The following BCO2 variants were observed in gnomAD, a reference collection of about 807,000 sequenced individuals.
BCO2 encodes beta-carotene oxygenase 2.
A neutral mutation model predicts 65.8 loss-of-function variants in BCO2; 56 were observed. The ratio of observed to expected loss-of-function variants is 0.85; its 90% CI spans 0.69 to 1.06. BCO2 has a LOEUF of 1.06. Among genes scored for constraint, BCO2 ranks in the 50% least tolerant of loss-of-function variants. The probability of loss-of-function intolerance (pLI) is 0.00; values close to 1 mark genes in which losing one functional copy is unlikely to be tolerated. For missense variants in BCO2, 675 were observed against 698.5 expected (o/e 0.97, Z 0.38); for synonymous variants, 233 against 242.3 (o/e 0.96, Z 0.36).
intron 8 of BCO2, among the ~76,000 whole-genome samples, 181 bp downstream of exon 8, chr11:112,202,371 C>T (rs1867759710): frequency 6.6e-6 from 1 of 152,136 alleles, no homozygotes; most frequent in African/African-American, 2.4e-5. Flanking sequence ...CAACCTCTAC[C>T]TCCCAGGTTC....
chr11:112,217,643 G>A (rs1308632414), intron 11 of BCO2, 118 bp from the exon 12 acceptor site: 3 of 668,766 alleles, frequency 4.5e-6, no homozygotes, highest in Non-Finnish European at 7.7e-6. Context: ...TTACAGGTGT[G>A]AGCCACTGTG....
intron 2 of BCO2, among the ~76,000 whole-genome samples, chr11:112,191,487 A>G (rs1021645339): frequency 3.3e-5 from 5 of 152,158 alleles, no homozygotes; most frequent in Non-Finnish European, 7.4e-5. Flanking sequence ...AACAAATGTA[A>G]AGACCATCCC....
At chr11:112,183,522 C>G (rs1867116040) in intron 2 of BCO2, among the ~76,000 whole-genome samples, 1 of 152,048 alleles carries the variant, frequency 6.6e-6, no homozygotes, top group South Asian at 2.1e-4. Flanking sequence ...GTGGAAATAC[C>G]ATCTTGGTTT....
intron 8 of BCO2, among the ~76,000 whole-genome samples, chr11:112,209,932 A>G (rs929111228): frequency 9.9e-5 from 15 of 152,038 alleles, no homozygotes; most frequent in Non-Finnish European, 1.3e-4. Flanking sequence ...CTTTTCTATA[A>G]TGTTCTTACT....
At position 112,183,313 on chromosome 11, in the gene BCO2, TA is replaced by T. The variant is rs537710636; in HGVS notation, c.293+3832del. The stretch of plus-strand genomic sequence containing the variant: ...TATAAGGAAATTTTAAAAAAACATT[TA>T]GAGGATTATGCTTGTTCTCAGCGGT... On this transcript the variant is annotated intron_variant, in intron 2 of 11. Transcript: ENST00000357685. The T allele has an allele frequency of 8.4e-5, 52 of 621,688 alleles. 1 individual carries two copies. In the South Asian group the frequency reaches 1.0e-3, roughly 12 times the overall value. The allele number at this position is 621,688 out of a possible 1,614,324, so 38.5% of individuals were successfully genotyped here. A position where few individuals can be genotyped will look rare whatever the true frequency, so the allele number is the denominator to read the frequency against.
intron 2 of BCO2, among the ~76,000 whole-genome samples, chr11:112,192,943 T>TTTTTTTTTTTTTA (rs1555195002): frequency 7.7e-6 from 1 of 129,430 alleles, no homozygotes. Flanking sequence ...TTTTTTTTTT[T>TTTTTTTTTTTTTA]GACAGGGGTA....
Position 112,200,671 on chromosome 11 carries a change from A to C in BCO2, c.924A>C (p.Lys308Asn). 1 of 1,613,954 alleles carries C rather than the reference A, an allele frequency of 6.2e-7. No individual in the cohort carries two copies. The highest frequency in any genetic ancestry group is 8.5e-7 in the Non-Finnish European group (1 of 1,179,928). ...AACCTCTAAAGATGAACCTGTGGAA[A>C]ATTGCCACTTCTAAAATTCGGGGAA... ...IEQPLKMNLWKIATSKIRGKA... is the reference protein window; with the variant it reads ...IEQPLKMNLWNIATSKIRGKA... Residue 308 changes from lysine (K) to asparagine (N), a missense_variant, in exon 7 of 12, where the codon AAA becomes AAC. By Grantham distance (94) the Lys-to-Asn change is moderately conservative (BLOSUM62 0). Coordinates refer to ENST00000357685, the MANE Select transcript of BCO2 (RefSeq NM_031938.7).
At chr11:112,204,595 T>C (rs899427739) in intron 8 of BCO2, among the ~76,000 whole-genome samples, 3 of 152,226 alleles carry the variant, frequency 2.0e-5, no homozygotes, top group African/African-American at 7.2e-5. Flanking sequence ...ACAATGAGAA[T>C]GAAGACCTTT....
chr11:112,206,893 G>A (rs1358655619), intron 8 of BCO2, among the ~76,000 whole-genome samples: 1 of 152,156 alleles, frequency 6.6e-6, no homozygotes, highest in Non-Finnish European at 1.5e-5. Context: ...TCTCAGTAAA[G>A]TTATAGTTTT....
At chr11:112,193,722 A>C in intron 3 of BCO2, 25 bp downstream of exon 3, 2 of 1,590,686 alleles carry the variant, frequency 1.3e-6, no homozygotes, top group Non-Finnish European at 1.7e-6. Flanking sequence ...TATTTAAACT[A>C]TTACGATATA....
chr11:112,202,784 G>A (rs138725123), intron 8 of BCO2, among the ~76,000 whole-genome samples: 3 of 152,238 alleles, frequency 2.0e-5, no homozygotes, highest in Non-Finnish European at 2.9e-5. Flanking sequence ...GGTGGCTCAC[G>A]CTTGTAATCC....
At chr11:112,201,183 C>CT (rs1325198813) in intron 7 of BCO2, among the ~76,000 whole-genome samples, 4 of 150,784 alleles carry the variant, frequency 2.7e-5, no homozygotes, top group African/African-American at 9.8e-5. Flanking sequence ...GAGTCTTGCT[C>CT]TATCACTAGG....
intron 5 of BCO2, among the ~76,000 whole-genome samples, chr11:112,196,906 TCCTTTCCTTCCTTC>T (rs1209711516): frequency 3.5e-5 from 5 of 142,340 alleles, no homozygotes; most frequent in East Asian, 4.2e-4. Context: ...TTCCTTTCCT[TCCTTTCCTTCCTTC>T]CCTTCCCTTC....
intron 9 of BCO2, 51 bp from the exon 10 acceptor site, chr11:112,214,711 G>A (rs745684633): frequency 1.2e-5 from 19 of 1,525,460 alleles, no homozygotes; most frequent in Admixed American, 1.0e-4. Flanking sequence ...CTACATAAGA[G>A]GAAAATAAGA....
chr11:112,176,519 G>GGGA lies in BCO2; in HGVS notation c.88+832_88+833insAGG, dbSNP rs1555193540. ...CCTAGATGAAGAAAATTGATTGGCG[G>GGGA]GGGGGGGGGAATTAAACATTCTATT... On this transcript the variant is annotated intron_variant, in intron 1 of 11. Coordinates refer to ENST00000357685, the MANE Select transcript of BCO2 (RefSeq NM_031938.7). The GGGA allele has an allele frequency of 1.5e-5, 2 of 130,878 alleles. 1 individual carries two copies. Among genetic ancestry groups the GGGA allele is most frequent in the Non-Finnish European group, 3.2e-5 (2 of 63,150 alleles). The allele number at this position is 130,878 out of a possible 1,614,324, so 8.1% of individuals were successfully genotyped here.
intron 2 of BCO2, among the ~76,000 whole-genome samples, chr11:112,184,868 A>G (rs1005347539): frequency 6.6e-6 from 1 of 152,148 alleles, no homozygotes; most frequent in Non-Finnish European, 1.5e-5. Context: ...AACATGAGGC[A>G]AGGAATCATT....
At chr11:112,184,304 G>C (rs1192927256) in intron 2 of BCO2, among the ~76,000 whole-genome samples, 2 of 150,974 alleles carry the variant, frequency 1.3e-5, no homozygotes, top group Non-Finnish European at 2.9e-5. Context: ...CCAGGCTGGA[G>C]TGCAGTGGTG....
At position 112,175,959 on chromosome 11, in the gene BCO2, G is replaced by A. The variant is rs1592828171; in HGVS notation, c.88+270G>A. 8.8e-6 allele frequency: 3 copies of A among 340,102 alleles called. No homozygotes were observed. In the East Asian group the frequency reaches 1.4e-4, roughly 16 times the overall value. 21.1% of individuals were successfully genotyped at this position (340,102 alleles called of 1,614,324 possible). On this transcript the variant is annotated intron_variant, in intron 1 of 11. Coordinates refer to ENST00000357685, the MANE Select transcript of BCO2 (RefSeq NM_031938.7). ...AGGGACTTGGTATTCTTTGGGATTT[G>A]CAATAAGAAGAATATTCAATATTTA...
chr11:112,179,882 A>G (rs1383511743), intron 2 of BCO2: 2 of 203,452 alleles, frequency 9.8e-6, no homozygotes, highest in South Asian at 7.9e-5. Context: ...TCTTCTCAGC[A>G]TCTTAGCATT....
Sources: gnomAD v4.1 joint callset for allele counts (sites outside exome capture counted in the v4.1 genomes callset) on GRCh38, gnomAD v4.1.1 for gene constraint, MANE v1.5 for transcripts, NCBI Gene and HGNC (gene_info 2026-07-23, HGNC 2026-07-21) for gene names.